The following ANKS3 variants were observed in gnomAD, a reference collection of about 807,000 sequenced individuals.
The protein encoded by ANKS3 is ankyrin repeat and sterile alpha motif domain containing 3, also known as ankyrin repeat and SAM domain-containing protein 3.
Under a neutral mutation model 80.7 loss-of-function variants are expected in ANKS3, and 62 were observed. That is an observed-to-expected ratio of 0.77 (90% CI 0.63 to 0.95). The LOEUF (loss-of-function observed/expected upper bound fraction) is 0.95. ANKS3 is among the 40% of genes least tolerant of loss of function. The probability of loss-of-function intolerance (pLI) is 0.00; values close to 1 mark genes in which losing one functional copy is unlikely to be tolerated. For synonymous variants in ANKS3, 489 were observed against 355.3 expected, an observed-to-expected ratio of 1.38 and a Z score of -4.23; for missense variants, 1,150 against 883.6, an observed-to-expected ratio of 1.30 and a Z score of -3.82.
intron 7 of ANKS3, among the ~76,000 whole-genome samples, chr16:4,713,117 A>G (rs1352970103): frequency 6.6e-6 from 1 of 151,986 alleles, no homozygotes; most frequent in African/African-American, 2.4e-5. Flanking sequence ...TGAAAATACA[A>G]AAAATTAGCC....
chr16:4,713,159 T>C (rs2080588971), intron 7 of ANKS3, among the ~76,000 whole-genome samples: 1 of 152,036 alleles, frequency 6.6e-6, no homozygotes, highest in Admixed American at 6.6e-5. Context: ...TAATCCCAGC[T>C]ACCTGGGAGG....
At chr16:4,716,616 G>C (rs546595702) in intron 6 of ANKS3, among the ~76,000 whole-genome samples, 1 of 152,068 alleles carries the variant, frequency 6.6e-6, no homozygotes, top group Non-Finnish European at 1.5e-5. Context: ...GAGACTTTGT[G>C]CCTTAAAAAA....
intron 6 of ANKS3, among the ~76,000 whole-genome samples, chr16:4,715,217 G>T (rs868247070): frequency 2.6e-5 from 4 of 151,994 alleles, no homozygotes; most frequent in South Asian, 2.1e-4. Flanking sequence ...AAGGCAGGTG[G>T]ATCGCTCGGC....
intron 3 of ANKS3, among the ~76,000 whole-genome samples, chr16:4,728,787 C>T (rs1233311057): frequency 6.6e-6 from 1 of 152,172 alleles, no homozygotes; most frequent in Non-Finnish European, 1.5e-5. Flanking sequence ...CTGAGAATTC[C>T]AAACGTGACC....
chr16:4,733,724 C>T (rs760892938), intron 1 of ANKS3, among the ~76,000 whole-genome samples: 2 of 152,214 alleles, frequency 1.3e-5, no homozygotes, highest in Admixed American at 1.3e-4. Flanking sequence ...CAAAATCTCT[C>T]ATATACGCCA....
intron 3 of ANKS3, among the ~76,000 whole-genome samples, chr16:4,728,707 C>A (rs2081480091): frequency 6.6e-6 from 1 of 152,178 alleles, no homozygotes; most frequent in South Asian, 2.1e-4. Flanking sequence ...AACACAAACG[C>A]CTCCCCCTGC....
intron 11 of ANKS3, 160 bp downstream of exon 11, chr16:4,700,810 G>A (rs750284264): frequency 2.1e-6 from 2 of 965,936 alleles, no homozygotes; most frequent in Non-Finnish European, 3.3e-6. Flanking sequence ...GCCAGCCATG[G>A]AGCCGGCTGT....
Position 4,697,096 on chromosome 16 carries a change from G to C in ANKS3, c.1903C>G (p.Leu635Val). The change falls in exon 17 of 18, where the codon CTG becomes GTG. Residue 635 changes from leucine to valine, a missense_variant. Transcript: ENST00000304283. Reference protein sequence around the residue: ...EDRVREMGQALCLVTQSLEKL... With the variant: ...EDRVREMGQAVCLVTQSLEKL... ...TCCAGGCTCTGGGTCACTAAGCACA[G>C]TGCTTGCCCTGAGGAATGATGACCT... The C allele has an allele frequency of 6.2e-7, 1 of 1,613,760 alleles. No individual in the cohort carries two copies. The highest frequency in any genetic ancestry group is 1.3e-5 in the African/African-American group (1 of 75,060).
intron 7 of ANKS3, among the ~76,000 whole-genome samples, chr16:4,707,262 A>C (rs1374071474): frequency 6.6e-6 from 1 of 151,654 alleles, no homozygotes; most frequent in Non-Finnish European, 1.5e-5. Context: ...AAACACATTA[A>C]ATATGACACG....
At chr16:4,724,685 A>T in intron 6 of ANKS3, 65 bp downstream of exon 6, 1 of 1,440,908 alleles carries the variant, frequency 6.9e-7, no homozygotes, top group Admixed American at 1.8e-5. Context: ...AATAGCTTAT[A>T]CTTCAGTAAT....
At chr16:4,698,376 C>G in intron 14 of ANKS3, 51 bp downstream of exon 14, 2 of 1,438,596 alleles carry the variant, frequency 1.4e-6, no homozygotes, top group Non-Finnish European at 1.8e-6. Context: ...GCCCAGGGGC[C>G]AGGTGGCTGA....
intron 6 of ANKS3, among the ~76,000 whole-genome samples, chr16:4,716,087 G>A (rs1318855574): frequency 1.3e-5 from 2 of 152,036 alleles, no homozygotes; most frequent in South Asian, 2.1e-4. Context: ...GCCAGGCGCC[G>A]TGGCTCATGC....
chr16:4,716,123 C>T (rs144010162), intron 6 of ANKS3, among the ~76,000 whole-genome samples: 229 of 151,858 alleles, frequency 1.5e-3, no homozygotes, highest in African/African-American at 5.4e-3. Context: ...TTTGGGAGGC[C>T]GAGGTGGACG....
chr16:4,697,289 G>A (rs374801279), intron 16 of ANKS3, 44 bp downstream of exon 16: 58 of 1,567,612 alleles, frequency 3.7e-5, no homozygotes, highest in Middle Eastern at 3.4e-4. Context: ...TGCCTCCCTC[G>A]GAAACAAAAG....
At chr16:4,732,737 G>A (rs1164839952) in intron 1 of ANKS3, among the ~76,000 whole-genome samples, 1 of 151,410 alleles carries the variant, frequency 6.6e-6, no homozygotes, top group Admixed American at 6.6e-5. Flanking sequence ...ATCCCGAGTG[G>A]TGTGGTGTAA....
intron 11 of ANKS3, chr16:4,700,273 T>C (rs841211): frequency 0.53 from 81,805 of 153,572 alleles, 22,070 homozygotes; most frequent in East Asian, 0.66. Flanking sequence ...AAAAATTAGA[T>C]GGGCATGGTG....
At chr16:4,721,899 G>C (rs1237851899) in intron 6 of ANKS3, among the ~76,000 whole-genome samples, 1 of 151,220 alleles carries the variant, frequency 6.6e-6, no homozygotes, top group African/African-American at 2.4e-5. Flanking sequence ...GCCTCTCAAA[G>C]TGCTGGGATT....
intron 2 of ANKS3, 89 bp from the exon 3 acceptor site, chr16:4,730,240 C>T: frequency 2.4e-6 from 3 of 1,252,514 alleles, no homozygotes; most frequent in Non-Finnish European, 3.1e-6. Context: ...TACACCACTG[C>T]ACTAGCAGAC....
chr16:4,705,398 T>C (rs2080130254), intron 7 of ANKS3, 145 bp from the exon 8 acceptor site: 3 of 1,002,430 alleles, frequency 3.0e-6, no homozygotes, highest in Non-Finnish European at 4.3e-6. Context: ...TTCTGAGAAA[T>C]GCCCTAACAG....
Sources: allele counts gnomAD v4.1 joint callset (sites outside exome capture counted in the v4.1 genomes callset), GRCh38; gene constraint gnomAD v4.1.1; transcripts MANE v1.5; gene names NCBI Gene and HGNC (gene_info 2026-07-23, HGNC 2026-07-21).